UTP20: variants seen among roughly 807,000 people sequenced by gnomAD.
The protein encoded by UTP20 is small subunit processome component 20 homolog.
UTP20 carries 164 observed loss-of-function variants against 329.5 expected under a neutral mutation model. The ratio of observed to expected loss-of-function variants is 0.50; its 90% CI spans 0.44 to 0.57. The LOEUF (loss-of-function observed/expected upper bound fraction) is 0.57. Ranked by LOEUF, UTP20 falls within the 20% of genes least tolerant of loss-of-function variation. The pLI is 0.00. For missense variants in UTP20, 3,055 were observed against 3,284.2 expected (o/e 0.93, Z 1.71); for synonymous variants, 1,151 against 1,159.3 (o/e 0.99, Z 0.14).
At chr12:101,349,354 G>A (rs1025413227) in intron 38 of UTP20, among the ~76,000 whole-genome samples, 5 of 149,666 alleles carry the variant, frequency 3.3e-5, no homozygotes, top group African/African-American at 1.2e-4. Context: ...GGGGTTCATT[G>A]ACCTTCTTGA....
chr12:101,371,983 C>G (rs547182048), intron 51 of UTP20, among the ~76,000 whole-genome samples: 1 of 152,266 alleles, frequency 6.6e-6, no homozygotes, highest in East Asian at 1.9e-4. Context: ...GAAATAGGAA[C>G]TCAGGGTTGC....
intron 28 of UTP20, 116 bp downstream of exon 28, chr12:101,333,560 C>G (rs889762151): frequency 3.0e-6 from 4 of 1,311,940 alleles, no homozygotes; most frequent in Non-Finnish European, 3.1e-6. Flanking sequence ...CCTTTTACAT[C>G]GAGCCCTTCT....
At chr12:101,293,068 A>G in intron 10 of UTP20, 100 bp from the exon 11 acceptor site, 7 of 1,183,512 alleles carry the variant, frequency 5.9e-6, no homozygotes, top group Non-Finnish European at 8.7e-6. Flanking sequence ...CAGAGCACTG[A>G]GTGAAGTGTC....
chr12:101,369,515 A>G (rs1406854887), intron 48 of UTP20, among the ~76,000 whole-genome samples: 1 of 152,230 alleles, frequency 6.6e-6, no homozygotes, highest in Admixed American at 6.5e-5. Flanking sequence ...ATCCATTGTT[A>G]CGGATAAGCA....
chr12:101,322,149 C>G (rs778576362), intron 25 of UTP20, among the ~76,000 whole-genome samples: 73 of 152,062 alleles, frequency 4.8e-4, no homozygotes, highest in Non-Finnish European at 9.3e-4. Context: ...GCCACCATGC[C>G]TGGCTAATTT....
intron 43 of UTP20, among the ~76,000 whole-genome samples, chr12:101,357,886 T>C (rs1869777547): frequency 6.6e-6 from 1 of 152,208 alleles, no homozygotes; most frequent in Admixed American, 6.5e-5. Context: ...GTGAGAAATG[T>C]AGGATTTAAA....
intron 56 of UTP20, among the ~76,000 whole-genome samples, chr12:101,376,312 G>T (rs1565808925): frequency 1.3e-5 from 2 of 152,168 alleles, no homozygotes; most frequent in Admixed American, 6.5e-5. Context: ...TTTACTAAAT[G>T]ATTTCACAAG....
chr12:101,286,728 T>C, intron 5 of UTP20, among the ~76,000 whole-genome samples: 1 of 151,976 alleles, frequency 6.6e-6, no homozygotes, highest in African/African-American at 2.4e-5. Context: ...CAAGAAGGCC[T>C]GACTCGGTCC....
chr12:101,363,808 C>G, intron 45 of UTP20, 65 bp downstream of exon 45: 2 of 1,073,112 alleles, frequency 1.9e-6, no homozygotes, highest in Non-Finnish European at 2.8e-6. Flanking sequence ...TAAAAGGAAC[C>G]ATGCGGGGCA....
chr12:101,281,076 T>A lies in UTP20; in HGVS notation c.46-40T>A, dbSNP rs78468255. On this transcript the variant is annotated intron_variant, in intron 1 of 61. Transcript: ENST00000261637. ...AATAGATATTAAAGATCTGATAAAT[T>A]TTAATTAATTATGTATCTTAAATAT... 0.015 allele frequency: 22,413 copies of A among 1,509,912 alleles called. 1,239 individuals are homozygous for A. The African/African-American group carries it at 0.18, about 12-fold the overall frequency. 93.5% of individuals were successfully genotyped at this position (1,509,912 alleles called of 1,614,324 possible).
intron 2 of UTP20, among the ~76,000 whole-genome samples, chr12:101,284,044 CTCTT>C (rs34773179): frequency 0.42 from 62,820 of 151,370 alleles, 15,660 homozygotes; most frequent in Non-Finnish European, 0.57. Flanking sequence ...TGTTTATTCT[CTCTT>C]TTTTCTCTCT....
intron 16 of UTP20, 61 bp from the exon 17 acceptor site, chr12:101,306,638 G>T: frequency 6.9e-7 from 1 of 1,457,424 alleles, no homozygotes; most frequent in Admixed American, 2.0e-5. Context: ...TGCTGACTGT[G>T]AATCAGTTTC....
At chr12:101,290,109 A>G (rs764163114) in intron 6 of UTP20, 28 bp from the exon 7 acceptor site, 1 of 1,469,676 alleles carries the variant, frequency 6.8e-7, no homozygotes, top group South Asian at 1.3e-5. Context: ...TTGTGAATAT[A>G]ATTTTCCATT....
rs1869665131 is a variant in UTP20, at chr12:101,354,891, G to A, written c.5167G>A (p.Glu1723Lys). 1.2e-6 allele frequency: 2 copies of A among 1,614,172 alleles called. No individual in the cohort carries two copies. Among genetic ancestry groups the A allele is most frequent in the Admixed American group, 1.7e-5 (1 of 60,010 alleles). The change falls in exon 41 of 62, where the codon GAG becomes AAG. Residue 1723 changes from glutamate (E) to lysine (K), a missense_variant. Glu to Lys is a moderately conservative substitution (Grantham distance 56, BLOSUM62 1). Coordinates refer to ENST00000261637, the MANE Select transcript of UTP20 (RefSeq NM_014503.3). ...GGCCATGGAATTAGAGCGTGTGGATGAGGAAGAGAAGGAATATACATGCAA... is the reference window on the plus strand; with the variant it reads ...GGCCATGGAATTAGAGCGTGTGGATAAGGAAGAGAAGGAATATACATGCAA... ...PEAMELERVD[E>K]EEKEYTCKSL...
intron 57 of UTP20, among the ~76,000 whole-genome samples, chr12:101,380,894 T>G (rs7954750): frequency 0.85 from 125,552 of 148,286 alleles, 53,291 homozygotes; most frequent in East Asian, 0.95. Context: ...AAATGTAGAG[T>G]ATTATTACCT....
Position 101,342,767 on chromosome 12 carries a change from ACT to A in UTP20, c.4246-19_4246-18del, listed in dbSNP as rs1565798954. The A allele has an allele frequency of 6.2e-7, 1 of 1,608,706 alleles. No individual in the cohort carries two copies. The highest frequency in any genetic ancestry group is 8.5e-7 in the Non-Finnish European group (1 of 1,176,510). The stretch of plus-strand genomic sequence containing the variant: ...TAAAGTTTTATTCACTGATAAATAC[ACT>A]GTTTTCTTTCCTTTCAGACTCTTTC... On this transcript the variant is annotated intron_variant, in intron 33 of 61. Coordinates refer to ENST00000261637, the MANE Select transcript of UTP20 (RefSeq NM_014503.3).
At chr12:101,284,902 C>T (rs1046454297) in intron 2 of UTP20, among the ~76,000 whole-genome samples, 1 of 152,040 alleles carries the variant, frequency 6.6e-6, no homozygotes, top group Non-Finnish European at 1.5e-5. Flanking sequence ...AAATTGAATC[C>T]TGCCATACCC....
intron 29 of UTP20, among the ~76,000 whole-genome samples, chr12:101,336,842 G>A (rs1473343029): frequency 6.6e-6 from 1 of 152,248 alleles, no homozygotes; most frequent in Non-Finnish European, 1.5e-5. Flanking sequence ...ACGTTAGCAT[G>A]TAGCATGCTC....
rs1264785850 is a variant in UTP20, at chr12:101,345,608, A to G, written c.4660A>G (p.Asn1554Asp). 1 of 1,611,454 alleles carries G rather than the reference A, an allele frequency of 6.2e-7. No homozygotes were observed. The highest frequency in any genetic ancestry group is 2.2e-5 in the East Asian group (1 of 44,810). Residue 1554 changes from asparagine to aspartate, a missense_variant, in exon 37 of 62, where the codon AAC (asparagine) becomes GAC (aspartate). Asn to Asp is a conservative substitution (Grantham distance 23, BLOSUM62 1). Transcript: ENST00000261637. ...ILSCLIQTFPNQLEFKDLVQL... is the reference protein window; with the variant it reads ...ILSCLIQTFPDQLEFKDLVQL... ...TTCCTGTTTAATTCAAACCTTTCCA[A>G]ACCAACTGGAATTCAAAGACTTGGT...
Sources: gnomAD v4.1 joint callset for allele counts (sites outside exome capture counted in the v4.1 genomes callset) on GRCh38, gnomAD v4.1.1 for gene constraint, MANE v1.5 for transcripts, NCBI Gene and HGNC (gene_info 2026-07-23, HGNC 2026-07-21) for gene names.